The following HCRTR2 variants were observed in gnomAD, a reference collection of about 807,000 sequenced individuals.
HCRTR2 encodes the protein hypocretin receptor 2.
In HCRTR2, 22 loss-of-function variants were observed where a neutral mutation model predicts 49.0. The ratio of observed to expected loss-of-function variants is 0.45; its 90% CI spans 0.32 to 0.64. HCRTR2 has a LOEUF of 0.64. HCRTR2 is among the 30% of genes least tolerant of loss of function. The probability of loss-of-function intolerance (pLI) is 0.04; values close to 1 mark genes in which losing one functional copy is unlikely to be tolerated. For synonymous variants in HCRTR2, 236 were observed against 205.3 expected (o/e 1.15, Z -1.28); for missense variants, 491 against 559.4 (o/e 0.88, Z 1.23).
upstream of HCRTR2, among the ~76,000 whole-genome samples, chr6:55,172,528 G>T (rs1481809304): frequency 6.6e-6 from 1 of 152,006 alleles, no homozygotes; most frequent in African/African-American, 2.4e-5. Flanking sequence ...CTCTTAAAAA[G>T]AAATTTAATT....
chr6:55,186,768 C>T (rs1187170735), intron 1 of HCRTR2, among the ~76,000 whole-genome samples: 1 of 152,162 alleles, frequency 6.6e-6, no homozygotes, highest in Non-Finnish European at 1.5e-5. Flanking sequence ...TACTATGACT[C>T]TGTACTTTCT....
intron 1 of HCRTR2, among the ~76,000 whole-genome samples, chr6:55,143,252 T>C (rs756964321): frequency 2.6e-5 from 4 of 152,052 alleles, no homozygotes; most frequent in Non-Finnish European, 4.4e-5. Context: ...TCTAGGTATC[T>C]AGCTTTTTAG....
intron 1 of HCRTR2, chr6:55,240,933 G>T: frequency 5.6e-6 from 1 of 178,860 alleles, no homozygotes; most frequent in South Asian, 1.1e-4. Flanking sequence ...GATGGTGTTG[G>T]CCATTTTATC....
At chr6:55,159,327 T>G (rs1448459055) in intron 1 of HCRTR2, among the ~76,000 whole-genome samples, 1 of 150,336 alleles carries the variant, frequency 6.7e-6, no homozygotes, top group Non-Finnish European at 1.5e-5. Flanking sequence ...AAAAACCCCA[T>G]CTGAAGGTCA....
At chr6:55,184,940 G>A (rs1765192809) in intron 1 of HCRTR2, among the ~76,000 whole-genome samples, 1 of 152,144 alleles carries the variant, frequency 6.6e-6, no homozygotes, top group African/African-American at 2.4e-5. Flanking sequence ...AATTTGATGA[G>A]TCAACCACTT....
intron 4 of HCRTR2, among the ~76,000 whole-genome samples, chr6:55,273,206 A>T (rs895253559): frequency 6.6e-6 from 1 of 151,996 alleles, no homozygotes; most frequent in African/African-American, 2.4e-5. Flanking sequence ...TGTAAGGGGC[A>T]AGGAAAATTT....
chr6:55,143,454 T>G (rs956599214), intron 1 of HCRTR2, among the ~76,000 whole-genome samples: 12 of 152,332 alleles, frequency 7.9e-5, no homozygotes, highest in Admixed American at 7.8e-4. Context: ...AAAACAAAAA[T>G]CAATTTATTC....
At position 55,203,827 on chromosome 6, in the gene HCRTR2, A is replaced by G. The variant is rs1256145091; in HGVS notation, c.223+29017A>G. ...GAAAGACAGATGTACTTGGAAACCA[A>G]AAAGAATCTCTGGTAAGAAATTGTA... is the stretch of plus-strand genomic sequence containing the variant. On this transcript the variant is annotated intron_variant, in intron 1 of 6. Transcript: ENST00000370862. Among the ~76,000 whole-genome samples, 3 of 152,272 alleles carry G rather than the reference A, an allele frequency of 2.0e-5. No homozygotes were observed. The East Asian group carries it at 5.8e-4, about 29-fold the overall frequency.
chr6:55,265,224 G>T (rs1455706738), intron 4 of HCRTR2, among the ~76,000 whole-genome samples: 1 of 152,086 alleles, frequency 6.6e-6, no homozygotes, highest in Non-Finnish European at 1.5e-5. Flanking sequence ...AGTTTTCTCA[G>T]CACTCTCCAC....
intron 1 of HCRTR2, among the ~76,000 whole-genome samples, chr6:55,217,382 A>G (rs1755781111): frequency 6.6e-6 from 1 of 152,154 alleles, no homozygotes; most frequent in Non-Finnish European, 1.5e-5. Flanking sequence ...TTAATTATAC[A>G]TCTGTCTTTA....
intron 1 of HCRTR2, among the ~76,000 whole-genome samples, chr6:55,126,567 G>T (rs1236012381): frequency 6.6e-6 from 1 of 152,200 alleles, no homozygotes; most frequent in Non-Finnish European, 1.5e-5. Context: ...TCCCAGTCAA[G>T]GGTTAAGGAC....
chr6:55,180,230 T>C (rs768948358), intron 1 of HCRTR2, among the ~76,000 whole-genome samples: 1 of 152,228 alleles, frequency 6.6e-6, no homozygotes, highest in Admixed American at 6.5e-5. Flanking sequence ...ACTCAAAAGT[T>C]TAGTCAGGCA....
intron 1 of HCRTR2, among the ~76,000 whole-genome samples, chr6:55,133,673 CTATCT>C (rs1764392244): frequency 7.2e-6 from 1 of 138,536 alleles, no homozygotes; most frequent in Middle Eastern, 4.0e-3. Context: ...ATCTATCTAT[CTATCT>C]ATCTATCTAT....
At chr6:55,262,310 A>AATT (rs989802192) in intron 3 of HCRTR2, among the ~76,000 whole-genome samples, 22 of 143,298 alleles carry the variant, frequency 1.5e-4, no homozygotes, top group Non-Finnish European at 2.7e-4. Flanking sequence ...TTCCCGACAT[A>AATT]ATATATAAAT....
rs930751963 is a variant in HCRTR2 at position 55,280,033 on chromosome 6, A to T, written c.984-290A>T. Among the ~76,000 whole-genome samples, 3 of 152,152 alleles carry T rather than the reference A, an allele frequency of 2.0e-5. No homozygotes were observed. In the South Asian group the frequency reaches 6.2e-4, roughly 31 times the overall value. On this transcript the variant is annotated intron_variant, in intron 5 of 6. Coordinates refer to ENST00000370862, the MANE Select transcript of HCRTR2 (RefSeq NM_001384272.1). Reference sequence around the variant, plus strand: ...TTAGAAAGAAAATGAAATAAAGAAGATATATATTCAACTTCCATATTCTTA... The same window carrying T: ...TTAGAAAGAAAATGAAATAAAGAAGTTATATATTCAACTTCCATATTCTTA...
At chr6:55,280,551 T>A in intron 6 of HCRTR2, 107 bp downstream of exon 6, 1 of 1,468,182 alleles carries the variant, frequency 6.8e-7, no homozygotes, top group Non-Finnish European at 9.3e-7. Flanking sequence ...TGAGTTGTAT[T>A]TTTTCCCTGA....
intron 1 of HCRTR2, among the ~76,000 whole-genome samples, chr6:55,177,110 C>T (rs1250390880): frequency 1.3e-5 from 2 of 152,148 alleles, no homozygotes; most frequent in Non-Finnish European, 2.9e-5. Flanking sequence ...GGAAACACCT[C>T]TACAGTAAGG....
At chr6:55,185,998 T>A (rs974510194) in intron 1 of HCRTR2, among the ~76,000 whole-genome samples, 4 of 152,234 alleles carry the variant, frequency 2.6e-5, no homozygotes, top group African/African-American at 9.6e-5. Context: ...CAGCTTTGAA[T>A]CACTGCTCCC....
chr6:55,209,699 G>C (rs1765663856), intron 1 of HCRTR2, among the ~76,000 whole-genome samples: 1 of 152,042 alleles, frequency 6.6e-6, no homozygotes, highest in African/African-American at 2.4e-5. Flanking sequence ...TCTTCTCTTT[G>C]TTTTTGTAAA....
Sources: allele counts gnomAD v4.1 joint callset (sites outside exome capture counted in the v4.1 genomes callset), GRCh38; gene constraint gnomAD v4.1.1; transcripts MANE v1.5; gene names NCBI Gene and HGNC (gene_info 2026-07-23, HGNC 2026-07-21).